The following LIPI variants were observed in gnomAD, a reference collection of about 807,000 sequenced individuals.
LIPI encodes the protein lipase member I.
Under a neutral mutation model 50.6 loss-of-function variants are expected in LIPI, and 59 were observed. That is an observed-to-expected ratio of 1.16 (90% CI 0.94 to 1.45). LIPI has a LOEUF of 1.45. Ranked by LOEUF, LIPI falls within the 40% of genes most tolerant of loss-of-function variation. The pLI is 0.00. For synonymous variants in LIPI, 203 were observed against 178.2 expected, an observed-to-expected ratio of 1.14 and a Z score of -1.11; for missense variants, 586 against 536.3, an observed-to-expected ratio of 1.09 and a Z score of -0.92.
At chr21:14,111,739 T>G (rs1252527192) in intron 9 of LIPI, among the ~76,000 whole-genome samples, 1 of 152,146 alleles carries the variant, frequency 6.6e-6, no homozygotes, top group Non-Finnish European at 1.5e-5. Context: ...GATTTTAGTC[T>G]TTAGTCCATT....
intron 9 of LIPI, 103 bp downstream of exon 9, chr21:14,144,520 T>A (rs951947072): frequency 1.6e-6 from 1 of 643,928 alleles, no homozygotes; most frequent in African/African-American, 1.8e-5. Flanking sequence ...AAATACACAA[T>A]AAACAGATAT....
At chr21:14,157,866 C>G (rs538388592) in intron 7 of LIPI, among the ~76,000 whole-genome samples, 1 of 151,900 alleles carries the variant, frequency 6.6e-6, no homozygotes, top group East Asian at 1.9e-4. Context: ...TCTCTTTGAA[C>G]AAGAATGCTA....
At chr21:14,136,908 A>C (rs2017520094) in intron 9 of LIPI, among the ~76,000 whole-genome samples, 1 of 152,152 alleles carries the variant, frequency 6.6e-6, no homozygotes, top group Admixed American at 6.5e-5. Context: ...AAATATAAGG[A>C]AAGAGAACAA....
rs545233886 is a variant in LIPI at position 14,186,067 on chromosome 21, C to T, written c.435G>A (p.Lys145=). 3.2e-6 allele frequency: 5 copies of T among 1,542,548 alleles called. No homozygotes were observed. In the African/African-American group the frequency reaches 6.8e-5, roughly 21 times the overall value. ...GAAAATTGTCAAGAGATGCACCATG[C>T]TTCTGCAATTAAAGAGAAAGGCAAT... is the stretch of plus-strand genomic sequence containing the variant. The part of the protein sequence containing the change: ...SLSVHIKNLL[K]HGASLDNFHF... Residue 145 remains lysine (K), a splice_region_variant and synonymous_variant, in exon 3 of 10, where the codon AAG becomes AAA. Coordinates refer to ENST00000681601, the MANE Select transcript of LIPI (RefSeq NM_001302998.2).
At position 14,144,622 on chromosome 21, in the gene LIPI, C is replaced by T. The variant is rs991757558; in HGVS notation, c.1295+1G>A. 6.8e-6 allele frequency: 10 copies of T among 1,477,324 alleles called. No homozygotes were observed. The highest frequency in any genetic ancestry group is 4.2e-5 in the African/African-American group (3 of 71,346). 91.5% of individuals were successfully genotyped at this position (1,477,324 alleles called of 1,614,324 possible). A position where few individuals can be genotyped will look rare whatever the true frequency, so the allele number is the denominator to read the frequency against. On this transcript the variant is annotated splice_donor_variant, in intron 9 of 9. Transcript: ENST00000681601. LOFTEE classifies it high-confidence loss of function. Reference sequence around the variant, plus strand: ...TTGAAATCAAAATTTAATTTTCTTACCTTTCTGGGTATGTAAGTGATTTTA... The same window carrying T: ...TTGAAATCAAAATTTAATTTTCTTATCTTTCTGGGTATGTAAGTGATTTTA...
intron 9 of LIPI, among the ~76,000 whole-genome samples, chr21:14,109,419 G>C (rs939358141): frequency 1.3e-5 from 2 of 152,100 alleles, no homozygotes; most frequent in African/African-American, 4.8e-5. Flanking sequence ...CTTCCATCAT[G>C]ATGGTCACCA....
intron 3 of LIPI, among the ~76,000 whole-genome samples, chr21:14,185,007 GTTA>G (rs535763780): frequency 1.4e-3 from 220 of 151,978 alleles, no homozygotes; most frequent in Non-Finnish European, 2.5e-3. Context: ...AACACTTAAA[GTTA>G]TTATAAGTCT....
chr21:14,124,040 T>C (rs2016959856), intron 9 of LIPI, among the ~76,000 whole-genome samples: 1 of 152,154 alleles, frequency 6.6e-6, no homozygotes, highest in South Asian at 2.1e-4. Context: ...TGGAGGATGG[T>C]TCTCATGGTT....
intron 4 of LIPI, among the ~76,000 whole-genome samples, chr21:14,169,069 T>TG (rs2018797802): frequency 6.6e-6 from 1 of 152,152 alleles, no homozygotes. Flanking sequence ...AATCCTAGTC[T>TG]GTGATGAAAT....
intron 9 of LIPI, among the ~76,000 whole-genome samples, chr21:14,126,562 G>A (rs2122972121): frequency 6.6e-6 from 1 of 152,246 alleles, no homozygotes; most frequent in Non-Finnish European, 1.5e-5. Context: ...TATTGAACAT[G>A]TACAGACTTT....
At position 14,131,749 on chromosome 21, in the gene LIPI, C is replaced by T. The variant is rs552116953; in HGVS notation, c.1295+12874G>A. Among the ~76,000 whole-genome samples, 123 of 151,970 alleles carry T rather than the reference C, an allele frequency of 8.1e-4. 1 individual carries two copies. Among genetic ancestry groups the T allele is most frequent in the African/African-American group, 2.8e-3 (115 of 41,414 alleles). On this transcript the variant is annotated intron_variant, in intron 9 of 9. Coordinates refer to ENST00000681601, the MANE Select transcript of LIPI (RefSeq NM_001302998.2). The stretch of plus-strand genomic sequence containing the variant: ...TCCTCAAAGTGCCAGGTAAATAATT[C>T]AAAATATAGAATTTAAAGAAGCTCA...
intron 9 of LIPI, among the ~76,000 whole-genome samples, chr21:14,134,122 T>C (rs1162333090): frequency 6.6e-6 from 1 of 152,078 alleles, no homozygotes; most frequent in Non-Finnish European, 1.5e-5. Flanking sequence ...TCCCAGCTAC[T>C]TGGGAGGCTG....
chr21:14,116,906 G>A (rs1408932520), intron 9 of LIPI, among the ~76,000 whole-genome samples: 4 of 152,180 alleles, frequency 2.6e-5, no homozygotes, highest in Non-Finnish European at 5.9e-5. Context: ...CGCCAGAGGA[G>A]CTAGAGACTC....
chr21:14,160,203 TAATC>T (rs1420468971), intron 7 of LIPI, among the ~76,000 whole-genome samples: 1 of 151,198 alleles, frequency 6.6e-6, no homozygotes, highest in African/African-American at 2.4e-5. Context: ...GAAGAGGAAA[TAATC>T]AGTCTACTTG....
chr21:14,161,483 A>G (rs2018462161), intron 7 of LIPI, among the ~76,000 whole-genome samples: 1 of 136,860 alleles, frequency 7.3e-6, no homozygotes, highest in South Asian at 2.1e-4. Flanking sequence ...ATAGAAATAG[A>G]TCTAATATAT....
At chr21:14,203,215 A>G (rs1429527082) in intron 1 of LIPI, among the ~76,000 whole-genome samples, 5 of 152,080 alleles carry the variant, frequency 3.3e-5, no homozygotes, top group African/African-American at 9.7e-5. Context: ...GAGAAATAGG[A>G]ACACTTTTAC....
chr21:14,156,868 G>C (rs929270795), intron 7 of LIPI, among the ~76,000 whole-genome samples: 1 of 151,806 alleles, frequency 6.6e-6, no homozygotes, highest in African/African-American at 2.4e-5. Context: ...TTACAAAAAG[G>C]CTGTTGGTGA....
In LIPI at chr21:14,143,289, C is replaced by G. The variant is rs551482716; in HGVS notation, c.1295+1334G>C. On this transcript the variant is annotated intron_variant, in intron 9 of 9. Coordinates refer to ENST00000681601, the MANE Select transcript of LIPI (RefSeq NM_001302998.2). ...GGAATGATATTGCTAATGTTCCTGC[C>G]GAAAATGTTCAGATATTTTGGCATT... Among the ~76,000 whole-genome samples the G allele has an allele frequency of 3.3e-5, 5 of 152,104 alleles. 1 individual carries two copies. The South Asian group carries it at 8.3e-4, about 25-fold the overall frequency.
intron 1 of LIPI, among the ~76,000 whole-genome samples, chr21:14,209,320 A>G (rs375328101): frequency 1.7e-4 from 26 of 152,310 alleles, no homozygotes; most frequent in African/African-American, 6.3e-4. Context: ...GGCAGATTTA[A>G]TCAATGATTT....
Sources: allele counts gnomAD v4.1 joint callset (sites outside exome capture counted in the v4.1 genomes callset), GRCh38; gene constraint gnomAD v4.1.1; transcripts MANE v1.5; gene names NCBI Gene and HGNC (gene_info 2026-07-23, HGNC 2026-07-21).